WDPCP: variants seen among roughly 807,000 people sequenced by gnomAD.
The protein encoded by WDPCP is WD repeat-containing and planar cell polarity effector protein fritz homolog.
A neutral mutation model predicts 93.1 loss-of-function variants in WDPCP; 71 were observed. The observed-to-expected ratio is 0.76, with a 90% CI of 0.63 to 0.93. The LOEUF (loss-of-function observed/expected upper bound fraction) is 0.93. WDPCP is among the 40% of genes least tolerant of loss of function. The pLI, the probability that WDPCP is intolerant of heterozygous loss-of-function variation, is 0.00. For missense variants in WDPCP, 844 were observed against 887.4 expected (o/e 0.95, Z 0.62); for synonymous variants, 315 against 315.0 (o/e 1.00, Z 0.00).
intron 6 of WDPCP, among the ~76,000 whole-genome samples, chr2:63,479,320 C>T (rs1700138845): frequency 6.6e-6 from 1 of 152,002 alleles, no homozygotes; most frequent in African/African-American, 2.4e-5. Context: ...AGGAAATCCT[C>T]CCTAAATCAT....
intron 2 of WDPCP, among the ~76,000 whole-genome samples, chr2:63,770,258 A>G (rs1237371111): frequency 6.6e-6 from 1 of 151,964 alleles, no homozygotes; most frequent in Non-Finnish European, 1.5e-5. Context: ...TGAAAATAAT[A>G]TTTTGTTTCA....
At chr2:63,468,625 A>T (rs1159172518) in intron 6 of WDPCP, among the ~76,000 whole-genome samples, 1 of 152,154 alleles carries the variant, frequency 6.6e-6, no homozygotes, top group Non-Finnish European at 1.5e-5. Context: ...ACTTAGAAAG[A>T]AATATGAAGT....
chr2:63,484,245 T>C (rs553403264), intron 6 of WDPCP, among the ~76,000 whole-genome samples: 181 of 152,126 alleles, frequency 1.2e-3, no homozygotes, highest in African/African-American at 4.2e-3. Flanking sequence ...ACAAGAGTAG[T>C]ATGCCAAAAA....
At chr2:63,230,735 C>A (rs955602170) in intron 14 of WDPCP, among the ~76,000 whole-genome samples, 7 of 152,108 alleles carry the variant, frequency 4.6e-5, no homozygotes, top group Admixed American at 2.0e-4. Context: ...TAAATGTCTT[C>A]TTTTGAGAAG....
At chr2:63,684,783 T>C (rs577281528) in intron 2 of WDPCP, 2 of 494,696 alleles carry the variant, frequency 4.0e-6, no homozygotes, top group African/African-American at 2.0e-5. Flanking sequence ...TTTTCTCTGA[T>C]CACAATGCAA....
At chr2:63,359,699 G>T (rs577612068) in intron 12 of WDPCP, 2 of 152,260 alleles carry the variant, frequency 1.3e-5, no homozygotes, top group East Asian at 1.9e-4. Context: ...ACCTGTACAT[G>T]AATGTTCATG....
At chr2:63,484,702 T>A in intron 5 of WDPCP, 39 bp from the exon 6 acceptor site, 1 of 1,611,582 alleles carries the variant, frequency 6.2e-7, no homozygotes, top group African/African-American at 1.3e-5. Flanking sequence ...TAGTTGGCTG[T>A]ACACATTGTC....
intron 15 of WDPCP, among the ~76,000 whole-genome samples, chr2:63,156,438 T>C (rs895378077): frequency 1.3e-5 from 2 of 152,172 alleles, no homozygotes; most frequent in Admixed American, 1.3e-4. Flanking sequence ...ATTACTAGTA[T>C]ATAGAAATAC....
At chr2:63,328,951 C>G (rs529936482) in intron 12 of WDPCP, among the ~76,000 whole-genome samples, 1 of 152,122 alleles carries the variant, frequency 6.6e-6, no homozygotes, top group Admixed American at 6.6e-5. Context: ...TGGTCTCGAA[C>G]TCCTGGGTCA....
At chr2:63,648,897 T>G (rs1710080439) in intron 3 of WDPCP, among the ~76,000 whole-genome samples, 3 of 152,208 alleles carry the variant, frequency 2.0e-5, no homozygotes, top group Admixed American at 2.0e-4. Flanking sequence ...TTACCTCGTT[T>G]AGGCTCCAGT....
chr2:63,563,786 C>T (rs924493134), intron 1 of WDPCP, among the ~76,000 whole-genome samples: 1 of 152,064 alleles, frequency 6.6e-6, no homozygotes, highest in African/African-American at 2.4e-5. Flanking sequence ...TGCCTTCTAC[C>T]ACACAGCAAG....
chr2:63,148,433 G>A (rs1057378648), intron 17 of WDPCP, among the ~76,000 whole-genome samples: 1 of 152,180 alleles, frequency 6.6e-6, no homozygotes. Flanking sequence ...TCTGCCTCCT[G>A]GGTTGAAACG....
rs189864829 is a variant in WDPCP at position 63,146,293 on chromosome 2, G to A, written c.2190+6621C>T. 3.3e-3 allele frequency among the ~76,000 whole-genome samples: 495 copies of A among 152,204 alleles called. 3 individuals are homozygous for A. The highest frequency in any genetic ancestry group is 0.014 in the Middle Eastern group (4 of 294). On this transcript the variant is annotated intron_variant, in intron 17 of 17. Coordinates refer to ENST00000272321, the MANE Select transcript of WDPCP (RefSeq NM_015910.7). Reference sequence around the variant, plus strand: ...ATCCTTGTCTTGTGTCAGTTTTCTAGGGGAATGTTTCCAGCTTTTGCCCAT... The same window carrying A: ...ATCCTTGTCTTGTGTCAGTTTTCTAAGGGAATGTTTCCAGCTTTTGCCCAT...
chr2:63,433,029 C>CT (rs971750882), intron 9 of WDPCP, among the ~76,000 whole-genome samples: 1 of 151,944 alleles, frequency 6.6e-6, no homozygotes, highest in African/African-American at 2.4e-5. Flanking sequence ...GGAGAGGGAG[C>CT]TTTTTTTACA....
chr2:63,141,879 AG>A (rs1671083646), intron 17 of WDPCP, among the ~76,000 whole-genome samples: 1 of 152,130 alleles, frequency 6.6e-6, no homozygotes, highest in South Asian at 2.1e-4. Flanking sequence ...TATTTTTTCC[AG>A]GAATTTATCC....
intron 14 of WDPCP, among the ~76,000 whole-genome samples, chr2:63,251,713 G>C (rs528147879): frequency 1.3e-5 from 2 of 151,562 alleles, no homozygotes; most frequent in African/African-American, 4.8e-5. Context: ...GGATGGTCTC[G>C]ATCTCCTGAC....
At chr2:63,191,316 C>T (rs879361350) in intron 14 of WDPCP, among the ~76,000 whole-genome samples, 12 of 152,162 alleles carry the variant, frequency 7.9e-5, no homozygotes, top group Admixed American at 2.0e-4. Flanking sequence ...GGCGTGAACC[C>T]GGGAGGCGGA....
intron 1 of WDPCP, among the ~76,000 whole-genome samples, chr2:63,521,141 C>T (rs1189714252): frequency 1.3e-5 from 2 of 152,258 alleles, no homozygotes; most frequent in Admixed American, 6.5e-5. Flanking sequence ...TACTATAAGG[C>T]AACCACACCA....
At chr2:63,591,390 C>G (rs1709199491), upstream of WDPCP, among the ~76,000 whole-genome samples, 1 of 152,208 alleles carries the variant, frequency 6.6e-6, no homozygotes, top group South Asian at 2.1e-4. Context: ...AATTACCTAC[C>G]TGGGAAAGTA....
Sources: allele counts gnomAD v4.1 joint callset (sites outside exome capture counted in the v4.1 genomes callset), GRCh38; gene constraint gnomAD v4.1.1; transcripts MANE v1.5; gene names NCBI Gene and HGNC (gene_info 2026-07-23, HGNC 2026-07-21).